Variants in UBN2 observed in about 807,000 individuals in gnomAD.
UBN2 encodes ubinuclein 2.
Under a neutral mutation model 120.2 loss-of-function variants are expected in UBN2, and 35 were observed. That is an observed-to-expected ratio of 0.29 (90% CI 0.22 to 0.39). The LOEUF (loss-of-function observed/expected upper bound fraction) is 0.39, where lower values mean the gene tolerates loss of function less well. Ranked by LOEUF, UBN2 falls within the 10% of genes least tolerant of loss-of-function variation. The pLI is 1.00. For synonymous variants in UBN2, 661 were observed against 648.7 expected (o/e 1.02, Z -0.29); for missense variants, 1,693 against 1,663.2 (o/e 1.02, Z -0.31).
chr7:139,261,833 G>A, intron 6 of UBN2, 92 bp downstream of exon 6: 4 of 1,277,730 alleles, frequency 3.1e-6, no homozygotes, highest in South Asian at 3.3e-5. Flanking sequence ...ACATAACACT[G>A]GTATAATTGC....
At chr7:139,236,257 A>T (rs1796160611) in intron 1 of UBN2, among the ~76,000 whole-genome samples, 1 of 152,152 alleles carries the variant, frequency 6.6e-6, no homozygotes, top group Admixed American at 6.6e-5. Flanking sequence ...ACTCTCCCCT[A>T]CTAGAAGAAA....
the UBN2 span, among the ~76,000 whole-genome samples, chr7:139,322,062 C>T: frequency 6.6e-6 from 1 of 151,922 alleles, no homozygotes; most frequent in East Asian, 1.9e-4. Context: ...CAACCTCTGC[C>T]TCCCAGGTTC....
chr7:139,249,336 T>C (rs1012818576), intron 2 of UBN2, among the ~76,000 whole-genome samples: 4 of 152,212 alleles, frequency 2.6e-5, no homozygotes, highest in South Asian at 2.1e-4. Context: ...CTATGTAATA[T>C]AGACATAGCA....
intron 3 of UBN2, 26 bp from the exon 4 acceptor site, chr7:139,258,462 G>A (rs531397231): frequency 1.2e-5 from 19 of 1,524,062 alleles, no homozygotes; most frequent in South Asian, 2.6e-5. Context: ...AGGATATAGC[G>A]GAAACTTTTT....
intron 8 of UBN2, among the ~76,000 whole-genome samples, chr7:139,270,836 CT>C (rs1253485396): frequency 6.6e-6 from 1 of 152,176 alleles, no homozygotes; most frequent in African/African-American, 2.4e-5. Context: ...CCTCCACCTC[CT>C]GGGTTCAAGT....
the UBN2 span, chr7:139,315,418 A>T: frequency 6.6e-6 from 1 of 152,194 alleles, no homozygotes; most frequent in Non-Finnish European, 1.5e-5. Context: ...TTTTACCAAT[A>T]TGATGTCCCT....
rs768919130 is a variant in UBN2, at chr7:139,283,080, C to T, written c.2175C>T (p.Ser725=). The change falls in exon 15 of 18, where the codon AGC becomes AGT. Residue 725 remains serine, a synonymous_variant. Coordinates refer to ENST00000473989, the MANE Select transcript of UBN2 (RefSeq NM_173569.4). The stretch of plus-strand genomic sequence containing the variant: ...CAACATCCCTGGTGGCTTCGGTTAG[C>T]GGTCCTCCAACGAGCTCCAGCACAG... ...KTPTSLVASV[S]GPPTSSSTAA... The T allele has an allele frequency of 1.4e-5, 22 of 1,612,820 alleles. No homozygotes were observed. In the African/African-American group the frequency reaches 2.1e-4, roughly 16 times the overall value.
At chr7:139,274,633 A>C (rs1797386196) in intron 11 of UBN2, among the ~76,000 whole-genome samples, 1 of 152,026 alleles carries the variant, frequency 6.6e-6, no homozygotes, top group Non-Finnish European at 1.5e-5. Context: ...GTGGTGGCGC[A>C]TGCCTGTTAT....
intron 7 of UBN2, 61 bp downstream of exon 7, chr7:139,266,464 C>T (rs1278464489): frequency 1.0e-6 from 1 of 977,736 alleles, no homozygotes; most frequent in Non-Finnish European, 1.5e-6. Flanking sequence ...ATGTAATAGG[C>T]CTTTGAGATA....
rs1797511865 is a variant in UBN2, at chr7:139,278,463, G to A, written c.2025-855G>A. Among the ~76,000 whole-genome samples the A allele has an allele frequency of 1.3e-5, 2 of 152,102 alleles. 1 individual carries two copies. The highest frequency in any genetic ancestry group is 4.1e-4 in the South Asian group (2 of 4,834). On this transcript the variant is annotated intron_variant, in intron 12 of 17. Coordinates refer to ENST00000473989, the MANE Select transcript of UBN2 (RefSeq NM_173569.4). ...CAAAGTGCTAGCATTACAGGCATGA[G>A]CCACTGCACCCAGCCTCCTTCTCCC... is the stretch of plus-strand genomic sequence containing the variant.
Position 139,273,834 on chromosome 7 carries a change from TTTG to T in UBN2, c.1830-94_1830-92del, listed in dbSNP as rs1321646274. On this transcript the variant is annotated intron_variant, in intron 10 of 17. Coordinates refer to ENST00000473989, the MANE Select transcript of UBN2 (RefSeq NM_173569.4). The stretch of plus-strand genomic sequence containing the variant: ...AATGAATGATATATGTTAGAAATTG[TTTG>T]TTATTTTCTGAATTTTTCACATAAT... The T allele has an allele frequency of 3.0e-5, 32 of 1,051,884 alleles. No individual in the cohort carries two copies. The East Asian group carries it at 8.5e-4, about 28-fold the overall frequency. 65.2% of individuals were successfully genotyped at this position (1,051,884 alleles called of 1,614,324 possible). A position where few individuals can be genotyped will look rare whatever the true frequency, so the allele number is the denominator to read the frequency against.
the UBN2 span, among the ~76,000 whole-genome samples, chr7:139,313,958 C>T: frequency 1.4e-4 from 21 of 151,468 alleles, no homozygotes; most frequent in African/African-American, 4.8e-4. Flanking sequence ...AAGTGATTCT[C>T]TTGCCTCAGC....
intron 2 of UBN2, among the ~76,000 whole-genome samples, chr7:139,247,816 GTTAC>G (rs1796512259): frequency 1.3e-5 from 2 of 152,106 alleles, no homozygotes; most frequent in African/African-American, 4.8e-5. Context: ...GATCTTGTCA[GTTAC>G]TTCCTTGTGC....
At chr7:139,256,305 C>T (rs966974243) in intron 3 of UBN2, among the ~76,000 whole-genome samples, 6 of 152,180 alleles carry the variant, frequency 3.9e-5, no homozygotes, top group Non-Finnish European at 7.4e-5. Context: ...TTTTTCTTAG[C>T]AGGTGATATA....
intron 6 of UBN2, among the ~76,000 whole-genome samples, chr7:139,263,743 A>T (rs1797008646): frequency 6.7e-6 from 1 of 149,400 alleles, no homozygotes; most frequent in Non-Finnish European, 1.5e-5. Context: ...CTCCAGCCTG[A>T]GCAACCAAGC....
rs1798359654 is a variant in UBN2, at chr7:139,306,483, G to A, written c.*8647G>A. On this transcript the variant is annotated 3_prime_UTR_variant, in exon 18 of 18. Transcript: ENST00000473989. ...TTAATTGGAAAGTTGGCCAACTTTG[G>A]TCACCTATTTTTGAGTCTTGGCTAT... The A allele has an allele frequency of 6.6e-6, 1 of 152,156 alleles. No homozygotes were observed. Among genetic ancestry groups the A allele is most frequent in the African/African-American group, 2.4e-5 (1 of 41,438 alleles). The allele number at this position is 152,156 out of a possible 1,614,324, so 9.4% of individuals were successfully genotyped here. A position where few individuals can be genotyped will look rare whatever the true frequency, so the allele number is the denominator to read the frequency against.
intron 2 of UBN2, among the ~76,000 whole-genome samples, chr7:139,241,050 TC>T (rs1321410705): frequency 6.6e-6 from 1 of 152,224 alleles, no homozygotes; most frequent in African/African-American, 2.4e-5. Context: ...AGGCAAAACA[TC>T]TTGGTTTCCA....
In UBN2 at chr7:139,261,585, T is replaced by A; in HGVS notation, c.1239T>A (p.Asp413Glu). The A allele has an allele frequency of 6.2e-7, 1 of 1,614,244 alleles. No homozygotes were observed. The highest frequency in any genetic ancestry group is 8.5e-7 in the Non-Finnish European group (1 of 1,180,036). Reference sequence around the variant, plus strand: ...ATTTTGACTTCGACAGATTACTGGATGCTGCTTCTGATGGTAGCCCCCTAT... The same window carrying A: ...ATTTTGACTTCGACAGATTACTGGAAGCTGCTTCTGATGGTAGCCCCCTAT... ...LDDFDFDRLL[D>E]AASDGSPLSE... Residue 413 changes from aspartate to glutamate, a missense_variant, in exon 6 of 18, where the codon GAT becomes GAA. Asp to Glu is a conservative substitution (Grantham distance 45). This residue lies in a region of UBN2 where 663 missense variants were observed against 591.2 expected (regional missense o/e 1.12). Coordinates refer to ENST00000473989, the MANE Select transcript of UBN2 (RefSeq NM_173569.4).
At chr7:139,258,850 G>A (rs1243926997) in intron 4 of UBN2, among the ~76,000 whole-genome samples, 1 of 151,878 alleles carries the variant, frequency 6.6e-6, no homozygotes, top group Non-Finnish European at 1.5e-5. Flanking sequence ...CTACAAATGT[G>A]GGCTAATAAT....
Sources: allele counts gnomAD v4.1 joint callset (sites outside exome capture counted in the v4.1 genomes callset), GRCh38; gene constraint gnomAD v4.1.1; regional missense constraint gnomAD v4.1.1; transcripts MANE v1.5; gene names NCBI Gene and HGNC (gene_info 2026-07-23, HGNC 2026-07-21).